Variants in SHISA9 observed in about 807,000 individuals in gnomAD.
SHISA9 encodes shisa family member 9, also known as protein shisa-9.
Under a neutral mutation model 38.0 loss-of-function variants are expected in SHISA9, and 13 were observed. The ratio of observed to expected loss-of-function variants is 0.34; its 90% CI spans 0.22 to 0.54. SHISA9 has a LOEUF of 0.54. Among genes scored for constraint, SHISA9 ranks in the 20% least tolerant of loss-of-function variants. The pLI is 0.91. For synonymous variants in SHISA9, 275 were observed against 242.0 expected, an observed-to-expected ratio of 1.14 and a Z score of -1.27; for missense variants, 538 against 575.8, an observed-to-expected ratio of 0.93 and a Z score of 0.67.
At chr16:13,269,309 T>A in the SHISA9 span, among the ~76,000 whole-genome samples, 1 of 152,246 alleles carries the variant, frequency 6.6e-6, no homozygotes, top group Non-Finnish European at 1.5e-5. Flanking sequence ...TTGGAAATGC[T>A]ACTCAACCTC....
the SHISA9 span, among the ~76,000 whole-genome samples, chr16:13,457,134 C>T: frequency 2.6e-5 from 4 of 152,220 alleles, no homozygotes; most frequent in Non-Finnish European, 4.4e-5. Context: ...TGGAGAAACC[C>T]TGTCTCTACT....
At chr16:13,097,381 C>T (rs561896733) in intron 2 of SHISA9, among the ~76,000 whole-genome samples, 15 of 151,734 alleles carry the variant, frequency 9.9e-5, no homozygotes, top group African/African-American at 2.4e-4. Flanking sequence ...AGCCATCACG[C>T]GGTGGAATGC....
intron 2 of SHISA9, among the ~76,000 whole-genome samples, chr16:13,064,367 G>A (rs929515672): frequency 6.6e-6 from 1 of 152,122 alleles, no homozygotes; most frequent in Non-Finnish European, 1.5e-5. Flanking sequence ...CTATTGTAGA[G>A]GTAGACAAGA....
At chr16:13,272,391 A>T in the SHISA9 span, among the ~76,000 whole-genome samples, 1 of 151,974 alleles carries the variant, frequency 6.6e-6, no homozygotes. Context: ...TTTTCTGTTT[A>T]AAAACAATTT....
chr16:13,333,861 A>G, the SHISA9 span, among the ~76,000 whole-genome samples: 12,125 of 152,222 alleles, frequency 0.08, 558 homozygotes, highest in African/African-American at 0.11. Flanking sequence ...ATGCTTTCTC[A>G]TTAAAACTTC....
chr16:12,926,783 C>T (rs577595378), intron 2 of SHISA9, among the ~76,000 whole-genome samples: 20 of 152,292 alleles, frequency 1.3e-4, no homozygotes, highest in South Asian at 4.1e-4. Context: ...CAACTTGCTA[C>T]GAATCAGAGT....
intron 3 of SHISA9, among the ~76,000 whole-genome samples, chr16:13,207,914 A>T (rs1005940530): frequency 6.6e-6 from 1 of 152,228 alleles, no homozygotes; most frequent in Non-Finnish European, 1.5e-5. Context: ...CGATAAGCAG[A>T]TTCATTTTCT....
intron 2 of SHISA9, among the ~76,000 whole-genome samples, chr16:13,090,987 A>G (rs2073769048): frequency 6.6e-6 from 1 of 152,212 alleles, no homozygotes. Context: ...CTTGTAAGGC[A>G]GGCCTGGTGG....
the SHISA9 span, among the ~76,000 whole-genome samples, chr16:13,397,471 C>A: frequency 6.6e-6 from 1 of 152,152 alleles, no homozygotes; most frequent in South Asian, 2.1e-4. Context: ...CTGCTGCCCG[C>A]CCCGCTGGGG....
chr16:13,555,590 T>C, the SHISA9 span, among the ~76,000 whole-genome samples: 2 of 151,966 alleles, frequency 1.3e-5, no homozygotes, highest in Non-Finnish European at 2.9e-5. Flanking sequence ...AACCCAGAGG[T>C]CTGCAAATAA....
intron 2 of SHISA9, among the ~76,000 whole-genome samples, chr16:13,070,262 C>T (rs1280641149): frequency 1.3e-5 from 2 of 152,098 alleles, no homozygotes; most frequent in Non-Finnish European, 2.9e-5. Flanking sequence ...GTTGCTCTGT[C>T]CCCCGGACTC....
intron 2 of SHISA9, among the ~76,000 whole-genome samples, chr16:13,163,573 T>G (rs2142014703): frequency 6.6e-6 from 1 of 152,258 alleles, no homozygotes; most frequent in South Asian, 2.1e-4. Flanking sequence ...TTAAGATTAA[T>G]TTGGGAAAGA....
chr16:13,085,236 A>G (rs991618691), intron 2 of SHISA9, among the ~76,000 whole-genome samples: 2 of 152,122 alleles, frequency 1.3e-5, no homozygotes, highest in African/African-American at 2.4e-5. Context: ...CTCTATATCT[A>G]TGTCTATATA....
chr16:13,043,176 A>G (rs544614133), intron 2 of SHISA9, among the ~76,000 whole-genome samples: 10 of 152,298 alleles, frequency 6.6e-5, no homozygotes, highest in Non-Finnish European at 1.2e-4. Context: ...CTGAGTGTCA[A>G]CATCTAACCA....
At chr16:13,149,658 G>A (rs1596683300) in intron 2 of SHISA9, among the ~76,000 whole-genome samples, 2 of 151,978 alleles carry the variant, frequency 1.3e-5, no homozygotes, top group South Asian at 2.1e-4. Context: ...GGCATGGTGG[G>A]TCACACCTGT....
In SHISA9 at chr16:13,113,785, A is replaced by G. The variant is rs902406079; in HGVS notation, c.692-89609A>G. On this transcript the variant is annotated intron_variant, in intron 2 of 4. Transcript: ENST00000558583. ...GGAGAAAGGGATGAACACAATAGAA[A>G]CTAGAAAAAGGTCCAGGCCTGTATC... Among the ~76,000 whole-genome samples, 3 of 152,190 alleles carry G rather than the reference A, an allele frequency of 2.0e-5. No homozygotes were observed. In the East Asian group the frequency reaches 5.8e-4, roughly 29 times the overall value.
At chr16:13,375,654 C>G in the SHISA9 span, among the ~76,000 whole-genome samples, 1 of 151,976 alleles carries the variant, frequency 6.6e-6, no homozygotes, top group Non-Finnish European at 1.5e-5. Flanking sequence ...ACTAAGAAAA[C>G]AATTCCATTA....
the SHISA9 span, among the ~76,000 whole-genome samples, chr16:13,452,732 C>T: frequency 6.6e-6 from 1 of 152,018 alleles, no homozygotes; most frequent in East Asian, 1.9e-4. Context: ...TCTTCAACCT[C>T]AGCTCTCATG....
At chr16:12,980,596 G>T (rs2072227842) in intron 2 of SHISA9, among the ~76,000 whole-genome samples, 2 of 148,518 alleles carry the variant, frequency 1.3e-5, no homozygotes, top group East Asian at 2.0e-4. Context: ...TTTCTCTTTT[G>T]GAACTTTTTT....
Sources: gnomAD v4.1 joint callset for allele counts (sites outside exome capture counted in the v4.1 genomes callset) on GRCh38, gnomAD v4.1.1 for gene constraint, MANE v1.5 for transcripts, NCBI Gene and HGNC (gene_info 2026-07-23, HGNC 2026-07-21) for gene names.